Variants in LONRF3 observed in about 807,000 individuals in gnomAD.
LONRF3 encodes the protein LON peptidase N-terminal domain and ring finger 3.
Under a neutral mutation model 51.7 loss-of-function variants are expected in LONRF3, and 19 were observed. The observed-to-expected ratio is 0.37, with a 90% CI of 0.26 to 0.54. The LOEUF is 0.54. Among genes scored for constraint, LONRF3 ranks in the 20% least tolerant of loss-of-function variants. LONRF3 has a pLI of 0.86. For missense variants in LONRF3, 521 were observed against 623.9 expected (o/e 0.84, Z 1.76); for synonymous variants, 265 against 257.8 (o/e 1.03, Z -0.27).
chrX:119,000,836 TCTCA>T (rs1924259291), intron 5 of LONRF3, among the ~76,000 whole-genome samples: 1 of 58,620 alleles, frequency 1.7e-5, no homozygotes, highest in Non-Finnish European at 3.3e-5. Context: ...TCTCTCTCTC[TCTCA>T]CTGTCACTCT....
intron 5 of LONRF3, among the ~76,000 whole-genome samples, chrX:118,996,604 G>C (rs1335201735): frequency 9.0e-6 from 1 of 111,304 alleles, no homozygotes; most frequent in African/African-American, 3.3e-5. Context: ...TCTAACCAAG[G>C]AGTCAAAAGA....
chrX:118,994,168 T>C (rs1454639223), intron 5 of LONRF3, among the ~76,000 whole-genome samples: 1 of 111,706 alleles, frequency 9.0e-6, no homozygotes. Flanking sequence ...GCACAATGAA[T>C]GCTACGGTAC....
chrX:118,978,142 G>A (rs1186519965), intron 1 of LONRF3, among the ~76,000 whole-genome samples: 1 of 111,418 alleles, frequency 9.0e-6, no homozygotes, highest in Non-Finnish European at 1.9e-5. Flanking sequence ...TGACTTTGCA[G>A]TTGGGGAACC....
chrX:118,990,479 C>T lies in LONRF3; in HGVS notation c.1334C>T (p.Thr445Ile), dbSNP rs146170211. ...GCTTTCTAAATCGCAGATCCTCCCA[C>T]TGATCAGGGGGACAAACCTGCTCTC... ...PNKASKQDPP[T>I]DQGDKPALSL... Residue 445 changes from threonine to isoleucine, a missense_variant, in exon 5 of 11, where the codon ACT (threonine) becomes ATT (isoleucine). Transcript: ENST00000371628. 514 of 1,207,926 alleles carry T rather than the reference C, an allele frequency of 4.3e-4. 4 individuals are homozygous for T. In the African/African-American group the frequency reaches 7.8e-3, roughly 18 times the overall value.
chrX:119,012,577 G>C (rs1047768188), intron 8 of LONRF3, among the ~76,000 whole-genome samples: 14 of 110,923 alleles, frequency 1.3e-4, no homozygotes, highest in Non-Finnish European at 1.9e-4. Context: ...ATAACATAGT[G>C]GAAGGGCATA....
rs370944478 is a variant in LONRF3, at chrX:118,989,483, C to G, written c.1135C>G (p.Pro379Ala). Residue 379 changes from proline (P) to alanine (A), a missense_variant, in exon 4 of 11, where the codon CCA becomes GCA. Physicochemically the swap from Pro to Ala is conservative, Grantham distance 27. Coordinates refer to ENST00000371628, the MANE Select transcript of LONRF3 (RefSeq NM_001031855.3). ...GGGAGATGGCAGCAGTCTGATGGAC[C>G]CAGCTAAAGTGAAGGGGGATGGTCA... ...ARGDGSSLMD[P>A]AKVKGDGQQH... 3 of 1,210,966 alleles carry G rather than the reference C, an allele frequency of 2.5e-6. No homozygotes were observed. Among genetic ancestry groups the G allele is most frequent in the African/African-American group, 1.7e-5 (1 of 57,583 alleles).
intron 5 of LONRF3, among the ~76,000 whole-genome samples, chrX:118,992,161 A>G (rs897845785): frequency 8.0e-5 from 9 of 111,811 alleles, no homozygotes; most frequent in Middle Eastern, 4.6e-3. Context: ...CAGATGGACT[A>G]AAGAACAAAC....
At chrX:118,982,685 G>C (rs772432048) in intron 2 of LONRF3, 136 bp from the exon 3 acceptor site, 3 of 829,529 alleles carry the variant, frequency 3.6e-6, no homozygotes, top group Non-Finnish European at 5.2e-6. Flanking sequence ...ACAGTTGCCC[G>C]CATTTTAGGG....
chrX:118,993,553 A>G (rs1923585472), intron 5 of LONRF3, among the ~76,000 whole-genome samples: 1 of 111,946 alleles, frequency 8.9e-6, no homozygotes, highest in Admixed American at 9.5e-5. Context: ...ACCTAATAAT[A>G]ATCGGTGTAC....
intron 10 of LONRF3, among the ~76,000 whole-genome samples, chrX:119,015,305 A>T (rs1199537398): frequency 8.9e-6 from 1 of 112,034 alleles, no homozygotes; most frequent in East Asian, 2.8e-4. Flanking sequence ...CCTCACTAGC[A>T]GTATGACCTT....
At chrX:118,995,045 C>T (rs1427195899) in intron 5 of LONRF3, among the ~76,000 whole-genome samples, 1 of 112,093 alleles carries the variant, frequency 8.9e-6, no homozygotes, top group African/African-American at 3.2e-5. Context: ...ACATTCTATT[C>T]AACAGTGCAT....
chrX:119,016,625 G>C (rs936528004), intron 10 of LONRF3, among the ~76,000 whole-genome samples: 1 of 112,167 alleles, frequency 8.9e-6, no homozygotes, highest in Admixed American at 9.4e-5. Flanking sequence ...GATTACAGGC[G>C]TGAGCCACTG....
chrX:118,987,132 T>C, intron 3 of LONRF3: 5 of 1,008,238 alleles, frequency 5.0e-6, no homozygotes, highest in Middle Eastern at 2.6e-4. Flanking sequence ...GGCTGTTTTG[T>C]GGGCAAACGT....
At chrX:118,998,259 A>G (rs187462531) in intron 5 of LONRF3, among the ~76,000 whole-genome samples, 1 of 112,699 alleles carries the variant, frequency 8.9e-6, no homozygotes, top group East Asian at 2.8e-4. Flanking sequence ...TGGTATATAT[A>G]TACAATTGAA....
At chrX:118,987,343 T>C (rs1171966239) in intron 3 of LONRF3, among the ~76,000 whole-genome samples, 1 of 109,039 alleles carries the variant, frequency 9.2e-6, no homozygotes, top group Non-Finnish European at 1.9e-5. Context: ...AGTGATATGA[T>C]CATGGCTCAC....
At position 118,989,548 on chromosome X, in the gene LONRF3, G is replaced by A. The variant is rs748907230; in HGVS notation, c.1200G>A (p.Lys400=). The stretch of plus-strand genomic sequence containing the variant: ...AAGACCAGGAAGAAGAGGAGGAGAA[G>A]TGGGATGCTACCTCTCCAAAAGCTG... The part of the protein sequence containing the change: ...HMKDQEEEEE[K]WDATSPKAAS... Residue 400 remains lysine (K), a synonymous_variant, in exon 4 of 11, where the codon AAG becomes AAA. Coordinates refer to ENST00000371628, the MANE Select transcript of LONRF3 (RefSeq NM_001031855.3). 3 of 1,211,440 alleles carry A rather than the reference G, an allele frequency of 2.5e-6. No individual in the cohort carries two copies. Among genetic ancestry groups the A allele is most frequent in the Admixed American group, 4.3e-5 (2 of 46,010 alleles).
chrX:118,975,741 G>A (rs1921983834), intron 1 of LONRF3, 144 bp downstream of exon 1: 1 of 414,999 alleles, frequency 2.4e-6, no homozygotes, highest in Admixed American at 5.1e-5. Context: ...GGTGGGGGAG[G>A]GGTGATTCTG....
intron 5 of LONRF3, among the ~76,000 whole-genome samples, chrX:119,003,390 T>C (rs143563076): frequency 9.8e-4 from 110 of 111,904 alleles, no homozygotes; most frequent in African/African-American, 3.4e-3. Context: ...CCACATGGAA[T>C]TGATTTTTGC....
rs144766423 is a variant in LONRF3, at chrX:119,014,164, G to A, written c.1975-43G>A. ...TGTCAAAAGTGACTCTGGGAATGAT[G>A]GAGAGGGTACAGAATGTTTCACTTC... On this transcript the variant is annotated intron_variant, in intron 9 of 10. Coordinates refer to ENST00000371628, the MANE Select transcript of LONRF3 (RefSeq NM_001031855.3). 3.8e-4 allele frequency: 448 copies of A among 1,165,064 alleles called. 3 individuals are homozygous for A. The African/African-American group carries it at 6.8e-3, about 18-fold the overall frequency.
Sources: gnomAD v4.1 joint callset for allele counts (sites outside exome capture counted in the v4.1 genomes callset) on GRCh38, gnomAD v4.1.1 for gene constraint, MANE v1.5 for transcripts, NCBI Gene and HGNC (gene_info 2026-07-23, HGNC 2026-07-21) for gene names.